The following MLIP variants were observed in gnomAD, a reference collection of about 807,000 sequenced individuals.
MLIP encodes muscular LMNA interacting protein.
MLIP carries 79 observed loss-of-function variants against 84.8 expected under a neutral mutation model. That is an observed-to-expected ratio of 0.93 (90% confidence interval 0.78 to 1.12). The LOEUF (loss-of-function observed/expected upper bound fraction) is 1.12. Among genes scored for constraint, MLIP ranks in the 50% most tolerant of loss-of-function variants. MLIP has a pLI of 0.00. For missense variants in MLIP, 1,257 were observed against 1,160.6 expected (o/e 1.08, Z -1.21); for synonymous variants, 504 against 463.0 (o/e 1.09, Z -1.14).
At chr6:54,047,975 G>A (rs1765163702) in intron 1 of MLIP, among the ~76,000 whole-genome samples, 1 of 152,182 alleles carries the variant, frequency 6.6e-6, no homozygotes, top group Non-Finnish European at 1.5e-5. Flanking sequence ...AGCTATACAT[G>A]TTCCAAGGAA....
Position 54,160,792 on chromosome 6 carries a change from C to T in MLIP, c.2492C>T (p.Thr831Ile). The part of the protein sequence containing the change: ...RSPKTLLGSD[T>I]VKTPTTLPRA... ...CCAAAGACATTGTTGGGTTCTGACA[C>T]AGTCAAAGTATGTATGTATTTAATA... Residue 831 changes from threonine to isoleucine, a missense_variant, in exon 8 of 14, where the codon ACA becomes ATA. By Grantham distance (89) the Thr-to-Ile change is moderately conservative (BLOSUM62 -1). Coordinates refer to ENST00000502396, the MANE Select transcript of MLIP (RefSeq NM_001281747.2). 3 of 1,604,644 alleles carry T rather than the reference C, an allele frequency of 1.9e-6. No homozygotes were observed. Among genetic ancestry groups the T allele is most frequent in the Non-Finnish European group, 1.7e-6 (2 of 1,172,372 alleles).
intron 11 of MLIP, chr6:54,215,554 A>G (rs966093790): frequency 7.6e-6 from 2 of 263,980 alleles, no homozygotes; most frequent in East Asian, 1.3e-4. Flanking sequence ...TATAATGATT[A>G]CCACAGTTAA....
chr6:54,046,004 T>A (rs558392766), intron 1 of MLIP: 1 of 152,308 alleles, frequency 6.6e-6, no homozygotes, highest in South Asian at 2.1e-4. Flanking sequence ...ACCTCTAGTT[T>A]TACATTTATT....
At chr6:54,106,427 A>T (rs1211201529) in intron 1 of MLIP, among the ~76,000 whole-genome samples, 1 of 152,196 alleles carries the variant, frequency 6.6e-6, no homozygotes, top group Non-Finnish European at 1.5e-5. Context: ...TCATCAGAGC[A>T]TCCACTCAGG....
chr6:54,152,779 A>G (rs1582297994), intron 5 of MLIP, among the ~76,000 whole-genome samples: 2 of 152,194 alleles, frequency 1.3e-5, no homozygotes, highest in African/African-American at 4.8e-5. Flanking sequence ...GTCTGATAGC[A>G]ATAGGTAAAA....
intron 3 of MLIP, among the ~76,000 whole-genome samples, chr6:54,127,157 C>T (rs1029481246): frequency 6.6e-6 from 1 of 152,086 alleles, no homozygotes; most frequent in Non-Finnish European, 1.5e-5. Flanking sequence ...TAAAGATGTT[C>T]CCTTTGGAAA....
intron 1 of MLIP, among the ~76,000 whole-genome samples, chr6:54,022,672 T>C (rs9395900): frequency 0.1 from 15,718 of 150,832 alleles, 1,841 homozygotes; most frequent in East Asian, 0.67. Flanking sequence ...AATTTCATAA[T>C]GAAAAGGAAA....
At chr6:54,151,275 C>G (rs1007248775) in intron 5 of MLIP, among the ~76,000 whole-genome samples, 4 of 151,950 alleles carry the variant, frequency 2.6e-5, no homozygotes, top group Non-Finnish European at 4.4e-5. Context: ...AATATCAAAG[C>G]CTTATCTAAA....
chr6:54,050,470 T>C (rs766570932), intron 1 of MLIP, among the ~76,000 whole-genome samples: 1 of 152,144 alleles, frequency 6.6e-6, no homozygotes, highest in Non-Finnish European at 1.5e-5. Flanking sequence ...TTGAACATTA[T>C]TGTTCTCATT....
chr6:54,152,735 C>T (rs1442740057), intron 5 of MLIP, among the ~76,000 whole-genome samples: 1 of 152,080 alleles, frequency 6.6e-6, no homozygotes, highest in Non-Finnish European at 1.5e-5. Context: ...AAAGGTCTCG[C>T]TTTCATTGAC....
chr6:54,127,030 T>G (rs552352616), intron 3 of MLIP, among the ~76,000 whole-genome samples: 2 of 152,122 alleles, frequency 1.3e-5, no homozygotes, highest in African/African-American at 2.4e-5. Flanking sequence ...ACTTCATACC[T>G]TCCCATCTCT....
intron 2 of MLIP, 45 bp downstream of exon 2, chr6:54,121,647 A>T: frequency 7.2e-7 from 1 of 1,397,818 alleles, no homozygotes; most frequent in Non-Finnish European, 9.7e-7. Flanking sequence ...AATTATATTA[A>T]ATTTTGATAA....
At chr6:54,206,718 C>G (rs1284071494) in intron 11 of MLIP, among the ~76,000 whole-genome samples, 2 of 152,084 alleles carry the variant, frequency 1.3e-5, no homozygotes, top group Non-Finnish European at 2.9e-5. Context: ...CAGTGACTTT[C>G]AGGTTTCTAT....
At position 54,068,890 on chromosome 6, in the gene MLIP, A is replaced by AT. The variant is rs1243939172; in HGVS notation, c.63+49799_63+49800insT. On this transcript the variant is annotated intron_variant, in intron 1 of 12. Transcript: ENST00000274897. The stretch of plus-strand genomic sequence containing the variant: ...TTTTTCCAGAGCTCTGCTACCCTCC[A>AT]CTGTCTATGTCTGTGATTAACCTTG... Among the ~76,000 whole-genome samples, 2 of 100,150 alleles carry AT rather than the reference A, an allele frequency of 2.0e-5. 1 individual carries two copies. Among genetic ancestry groups the AT allele is most frequent in the Non-Finnish European group, 5.8e-5 (2 of 34,744 alleles). The allele number at this position is 100,150 out of a possible 152,430, so 65.7% of individuals were successfully genotyped here. A position where few individuals can be genotyped will look rare whatever the true frequency, so the allele number is the denominator to read the frequency against.
At chr6:54,098,928 A>C (rs1035999439) in intron 1 of MLIP, among the ~76,000 whole-genome samples, 2 of 152,154 alleles carry the variant, frequency 1.3e-5, no homozygotes, top group Non-Finnish European at 2.9e-5. Context: ...TTTCACTGCT[A>C]TTAAGTGGGA....
rs996184098 is a variant in MLIP, at chr6:54,064,027, T to C, written c.63+44936T>C. On this transcript the variant is annotated intron_variant, in intron 1 of 12. Transcript: ENST00000274897. ...TTTTTGTTGCTTGAGGTTATAGTAT[T>C]GATGATCCTTATTTTCTAACTACTA... Among the ~76,000 whole-genome samples, 9 of 86,900 alleles carry C rather than the reference T, an allele frequency of 1.0e-4. 1 individual carries two copies. Among genetic ancestry groups the C allele is most frequent in the African/African-American group, 2.4e-4 (9 of 36,874 alleles). The allele number at this position is 86,900 out of a possible 152,430, so 57.0% of individuals were successfully genotyped here. A position where few individuals can be genotyped will look rare whatever the true frequency, so the allele number is the denominator to read the frequency against.
intron 1 of MLIP, among the ~76,000 whole-genome samples, chr6:54,112,572 AC>A: frequency 6.6e-6 from 1 of 152,308 alleles, no homozygotes. Flanking sequence ...TTATTCTCCA[AC>A]AGTAACTCAG....
At chr6:54,260,773 A>C (rs1783328786) in intron 13 of MLIP, among the ~76,000 whole-genome samples, 1 of 151,972 alleles carries the variant, frequency 6.6e-6, no homozygotes. Context: ...TTCATTAGTA[A>C]AATTTAATAC....
At chr6:54,035,489 A>C (rs1764376514) in intron 1 of MLIP, among the ~76,000 whole-genome samples, 1 of 152,130 alleles carries the variant, frequency 6.6e-6, no homozygotes, top group Admixed American at 6.6e-5. Flanking sequence ...TAAAAGTGTA[A>C]CTGCTGAGAC....
Sources: allele counts gnomAD v4.1 joint callset (sites outside exome capture counted in the v4.1 genomes callset), GRCh38; gene constraint gnomAD v4.1.1; transcripts MANE v1.5; gene names NCBI Gene and HGNC (gene_info 2026-07-23, HGNC 2026-07-21).